INTS3: variants seen among roughly 807,000 people sequenced by gnomAD.
INTS3 encodes the protein SOSS complex subunit A.
A neutral mutation model predicts 146.3 loss-of-function variants in INTS3; 34 were observed. The observed-to-expected ratio is 0.23, with a 90% CI of 0.18 to 0.31. The LOEUF is 0.31. Ranked by LOEUF, INTS3 falls within the 10% of genes least tolerant of loss-of-function variation. The probability of loss-of-function intolerance (pLI) is 1.00; values close to 1 mark genes in which losing one functional copy is unlikely to be tolerated. For synonymous variants in INTS3, 475 were observed against 494.9 expected (o/e 0.96, Z 0.53); for missense variants, 757 against 1,304.2 (o/e 0.58, Z 6.46).
chr1:153,759,404 C>T (rs1465941103), intron 10 of INTS3, 122 bp from the exon 11 acceptor site: 1 of 732,374 alleles, frequency 1.4e-6, no homozygotes, highest in Admixed American at 1.9e-5. Flanking sequence ...CACCGTGTTT[C>T]ACTAGGAACT....
chr1:153,748,641 G>T, intron 5 of INTS3, 48 bp from the exon 6 acceptor site: 2 of 1,483,866 alleles, frequency 1.3e-6, no homozygotes, highest in Non-Finnish European at 1.9e-6. Context: ...TATTGGATTG[G>T]CTGACTTGCT....
chr1:153,749,471 C>G (rs1010580647), intron 6 of INTS3, among the ~76,000 whole-genome samples: 2 of 152,140 alleles, frequency 1.3e-5, no homozygotes, highest in African/African-American at 4.8e-5. Flanking sequence ...TAATAGTGTC[C>G]ATACTATCTG....
chr1:153,773,132 G>C, intron 29 of INTS3, 51 bp downstream of exon 29: 3 of 1,613,698 alleles, frequency 1.9e-6, no homozygotes, highest in East Asian at 2.2e-5. Flanking sequence ...GGTGCAGGTG[G>C]AGTCGGCGCC....
intron 1 of INTS3, among the ~76,000 whole-genome samples, chr1:153,740,128 C>G (rs1481407045): frequency 1.3e-5 from 2 of 151,222 alleles, no homozygotes; most frequent in Non-Finnish European, 2.9e-5. Flanking sequence ...GAGACAGGGT[C>G]TCGCTCTGTC....
intron 8 of INTS3, chr1:153,753,596 A>T (rs532567111): frequency 6.6e-6 from 1 of 151,700 alleles, no homozygotes; most frequent in Non-Finnish European, 1.5e-5. Context: ...AGGTTTAAGG[A>T]GATGAAGTAA....
In INTS3 at chr1:153,762,792, C is replaced by G; in HGVS notation, c.1581C>G (p.Cys527Trp). 6.2e-7 allele frequency: 1 copy of G among 1,614,150 alleles called. No individual in the cohort carries two copies. The highest frequency in any genetic ancestry group is 8.5e-7 in the Non-Finnish European group (1 of 1,179,998). ...DNHMSDKDESCYDNAEAAFSD... is the reference protein window; with the variant it reads ...DNHMSDKDESWYDNAEAAFSD... ...ATATGTCGGATAAGGATGAGAGTTG[C>G]TATGACAATGCAGAGGCAGCCTTCA... The change falls in exon 15 of 30, where the codon TGC becomes TGG. Residue 527 changes from cysteine to tryptophan, a missense_variant. Transcript: ENST00000318967.
chr1:153,758,748 A>G (rs1289374869), intron 10 of INTS3, among the ~76,000 whole-genome samples: 2 of 151,538 alleles, frequency 1.3e-5, no homozygotes, highest in Non-Finnish European at 2.9e-5. Context: ...CAGTGAGCTG[A>G]GATCCTGCCA....
At chr1:153,729,363 C>G (rs1670977519) in intron 1 of INTS3, among the ~76,000 whole-genome samples, 1 of 152,122 alleles carries the variant, frequency 6.6e-6, no homozygotes, top group Admixed American at 6.6e-5. Context: ...CTAGGGGATT[C>G]TCCTTCAGAA....
chr1:153,756,820 AAAAAT>A (rs1421023245), intron 9 of INTS3, among the ~76,000 whole-genome samples: 2 of 152,232 alleles, frequency 1.3e-5, no homozygotes, highest in Non-Finnish European at 2.9e-5. Context: ...CTGCCTCAAA[AAAAAT>A]AAAATAAATA....
chr1:153,760,643 G>A, intron 12 of INTS3, 184 bp from the exon 13 acceptor site: 2 of 633,772 alleles, frequency 3.2e-6, no homozygotes, highest in African/African-American at 1.8e-5. Flanking sequence ...TCCTTGGGGA[G>A]CAGCCAGGTC....
chr1:153,767,145 C>G (rs1480353995), intron 20 of INTS3: 1 of 152,382 alleles, frequency 6.6e-6, no homozygotes, highest in Non-Finnish European at 1.5e-5. Context: ...TTGATAGCAT[C>G]TTTTGAACAA....
rs1672699720 is a variant in INTS3 at position 153,768,766 on chromosome 1, G to A, written c.2245-127G>A. On this transcript the variant is annotated intron_variant, in intron 21 of 29. Coordinates refer to ENST00000318967, the MANE Select transcript of INTS3 (RefSeq NM_023015.5). ...ATAGCTGTTGGATCTCTGTTTAGGGGTTTATTTTAGGGCCTGTGTCTGGCT... is the reference window on the plus strand; with the variant it reads ...ATAGCTGTTGGATCTCTGTTTAGGGATTTATTTTAGGGCCTGTGTCTGGCT... 5.7e-6 allele frequency: 4 copies of A among 705,682 alleles called. No individual in the cohort carries two copies. In the East Asian group the frequency reaches 1.0e-4, roughly 18 times the overall value. The allele number at this position is 705,682 out of a possible 1,614,324, so 43.7% of individuals were successfully genotyped here. A position where few individuals can be genotyped will look rare whatever the true frequency, so the allele number is the denominator to read the frequency against.
Position 153,765,076 on chromosome 1 carries a change from C to T in INTS3, c.2090+13C>T, listed in dbSNP as rs375259695. 3 of 1,613,870 alleles carry T rather than the reference C, an allele frequency of 1.9e-6. No individual in the cohort carries two copies. The African/African-American group carries it at 4.0e-5, about 22-fold the overall frequency. ...ACCTGAGGGCCAGGTGGGTATGGTCCCCATGTTTCAAATGGTGTCAGGACA... is the reference window on the plus strand; with the variant it reads ...ACCTGAGGGCCAGGTGGGTATGGTCTCCATGTTTCAAATGGTGTCAGGACA... On this transcript the variant is annotated intron_variant, in intron 20 of 29. Coordinates refer to ENST00000318967, the MANE Select transcript of INTS3 (RefSeq NM_023015.5).
At chr1:153,763,741 T>C (rs1672474326) in intron 16 of INTS3, 91 bp from the exon 17 acceptor site, 2 of 1,098,014 alleles carry the variant, frequency 1.8e-6, no homozygotes, top group Admixed American at 2.0e-5. Flanking sequence ...TCTCTGTGCA[T>C]GTGAGTGTGC....
At chr1:153,749,050 A>C (rs1199914745) in intron 6 of INTS3, among the ~76,000 whole-genome samples, 7 of 151,842 alleles carry the variant, frequency 4.6e-5, no homozygotes, top group African/African-American at 1.5e-4. Context: ...TCTTAGGGGG[A>C]AGTTGGGGAG....
intron 13 of INTS3, 158 bp downstream of exon 13, chr1:153,761,076 A>G: frequency 4.8e-6 from 7 of 1,446,322 alleles, no homozygotes; most frequent in Non-Finnish European, 6.4e-6. Context: ...CTTGGCTCTT[A>G]GAGGAATTTC....
rs1672202670 is a variant in INTS3, at chr1:153,757,441, A to C, written c.958-131A>C. ...AAGGAGGGGAGACTTACGAGACAGTATGAGCTAATGAATGAATTGTGGAGA... is the reference window on the plus strand; with the variant it reads ...AAGGAGGGGAGACTTACGAGACAGTCTGAGCTAATGAATGAATTGTGGAGA... On this transcript the variant is annotated intron_variant, in intron 9 of 29. Transcript: ENST00000318967. This position sits in a 1 kb window ranked among gnomAD's most constrained non-coding sequence, Gnocchi z 4.0. The C allele has an allele frequency of 2.9e-6, 2 of 694,374 alleles. No homozygotes were observed. Among genetic ancestry groups the C allele is most frequent in the Non-Finnish European group, 4.9e-6 (2 of 406,636 alleles). 43.0% of individuals were successfully genotyped at this position (694,374 alleles called of 1,614,324 possible). A position where few individuals can be genotyped will look rare whatever the true frequency, so the allele number is the denominator to read the frequency against.
chr1:153,728,546 C>A lies in INTS3; in HGVS notation c.-89C>A. ...CCCCTCCCCAACTTGTTCCTCTTGC[C>A]CCCCAGTCCCTGGCAATCCAGAGAT... On this transcript the variant is annotated 5_prime_UTR_variant, in exon 1 of 30. Coordinates refer to ENST00000318967, the MANE Select transcript of INTS3 (RefSeq NM_023015.5). 2.0e-6 allele frequency: 3 copies of A among 1,464,624 alleles called. No homozygotes were observed. The highest frequency in any genetic ancestry group is 2.9e-5 in the African/African-American group (2 of 68,384). The allele number at this position is 1,464,624 out of a possible 1,614,324, so 90.7% of individuals were successfully genotyped here.
Position 153,757,568 on chromosome 1 carries a change from C to T in INTS3, c.958-4C>T, listed in dbSNP as rs751734929. Reference sequence around the variant, plus strand: ...GGTCTTTTTCTTGCTTCCCCTTTCCCCAGGTGCGATTTGGTCAACAAAAGC... The same window carrying T: ...GGTCTTTTTCTTGCTTCCCCTTTCCTCAGGTGCGATTTGGTCAACAAAAGC... On this transcript the variant is annotated splice_region_variant and splice_polypyrimidine_tract_variant and intron_variant, in intron 9 of 29. Transcript: ENST00000318967. This position sits in a 1 kb window ranked among gnomAD's most constrained non-coding sequence, Gnocchi z 4.0. 2 of 1,612,374 alleles carry T rather than the reference C, an allele frequency of 1.2e-6. No individual in the cohort carries two copies. The highest frequency in any genetic ancestry group is 2.2e-5 in the East Asian group (1 of 44,828).
Sources: allele counts gnomAD v4.1 joint callset (sites outside exome capture counted in the v4.1 genomes callset), GRCh38; gene constraint gnomAD v4.1.1; non-coding constraint Gnocchi (gnomAD v3.1); transcripts MANE v1.5; gene names NCBI Gene and HGNC (gene_info 2026-07-23, HGNC 2026-07-21).